Variants in DAPP1 observed in about 807,000 individuals in gnomAD.
DAPP1 encodes the protein dual adapter for phosphotyrosine and 3-phosphotyrosine and 3-phosphoinositide.
DAPP1 carries 20 observed loss-of-function variants against 41.5 expected under a neutral mutation model. The ratio of observed to expected loss-of-function variants is 0.48; its 90% CI spans 0.34 to 0.70. The LOEUF (loss-of-function observed/expected upper bound fraction) is 0.70, where lower values mean the gene tolerates loss of function less well. Ranked by LOEUF, DAPP1 falls within the 30% of genes least tolerant of loss-of-function variation. DAPP1 has a pLI of 0.01. For missense variants in DAPP1, 233 were observed against 333.4 expected (o/e 0.70, Z 2.35); for synonymous variants, 113 against 116.2 (o/e 0.97, Z 0.18).
intron 1 of DAPP1, among the ~76,000 whole-genome samples, chr4:99,821,587 G>A (rs1722776356): frequency 6.6e-6 from 1 of 152,214 alleles, no homozygotes; most frequent in African/African-American, 2.4e-5. Context: ...ATTTATAGAT[G>A]AGAAAAGTAA....
At chr4:99,871,943 G>A (rs1201419737), downstream of DAPP1, among the ~76,000 whole-genome samples, 3 of 152,226 alleles carry the variant, frequency 2.0e-5, no homozygotes, top group African/African-American at 4.8e-5. Flanking sequence ...TTAAGCAGGG[G>A]TTGTGTGCCC....
At chr4:99,829,665 A>C (rs1309305829) in intron 1 of DAPP1, among the ~76,000 whole-genome samples, 1 of 152,134 alleles carries the variant, frequency 6.6e-6, no homozygotes, top group East Asian at 1.9e-4. Flanking sequence ...CAATTATAAA[A>C]ACTTCATTAC....
intron 7 of DAPP1, 70 bp from the exon 8 acceptor site, chr4:99,865,964 T>TA: frequency 1.2e-5 from 1 of 84,470 alleles, no homozygotes; most frequent in South Asian, 1.8e-4. Context: ...ATATTATATA[T>TA]ATTATATATA....
At chr4:99,854,294 C>A (rs866028225) in intron 4 of DAPP1, among the ~76,000 whole-genome samples, 2 of 152,268 alleles carry the variant, frequency 1.3e-5, no homozygotes, top group South Asian at 4.1e-4. Context: ...GTTGTCTCTT[C>A]CTTGTTTGCT....
intron 7 of DAPP1, chr4:99,864,238 A>T (rs11097679): frequency 0.27 from 43,171 of 158,110 alleles, 6,563 homozygotes; most frequent in African/African-American, 0.41. Flanking sequence ...GTTCTAACAT[A>T]ATCAGTATGT....
At chr4:99,817,737 T>C (rs4699763) in intron 1 of DAPP1, among the ~76,000 whole-genome samples, 10,139 of 152,258 alleles carry the variant, frequency 0.067, 397 homozygotes, top group Non-Finnish European at 0.1. Context: ...AAGAGAGGAA[T>C]TGGGGATTTC....
At chr4:99,845,270 C>T (rs577935242) in intron 3 of DAPP1, among the ~76,000 whole-genome samples, 31 of 152,304 alleles carry the variant, frequency 2.0e-4, no homozygotes, top group African/African-American at 7.5e-4. Flanking sequence ...TAGATGCTTT[C>T]CATGCACCTT....
intron 1 of DAPP1, among the ~76,000 whole-genome samples, chr4:99,817,568 G>A (rs1722632022): frequency 6.6e-6 from 1 of 152,160 alleles, no homozygotes; most frequent in African/African-American, 2.4e-5. Context: ...TGTCCAGAGA[G>A]CCAACTTTGA....
intron 3 of DAPP1, among the ~76,000 whole-genome samples, chr4:99,842,591 C>A (rs1723529204): frequency 6.6e-6 from 1 of 152,226 alleles, no homozygotes; most frequent in South Asian, 2.1e-4. Context: ...TCTTGCCCCT[C>A]TGGGAGTAAT....
chr4:99,843,342 A>G (rs1723557457), intron 3 of DAPP1, among the ~76,000 whole-genome samples: 1 of 152,206 alleles, frequency 6.6e-6, no homozygotes, highest in South Asian at 2.1e-4. Context: ...ACATTTTTGC[A>G]CTCAAAATAG....
intron 3 of DAPP1, among the ~76,000 whole-genome samples, chr4:99,845,445 C>T (rs1010562821): frequency 6.6e-6 from 1 of 152,186 alleles, no homozygotes; most frequent in Non-Finnish European, 1.5e-5. Flanking sequence ...GAAATTGGTC[C>T]TACAGCGACA....
At position 99,835,656 on chromosome 4, in the gene DAPP1, T is replaced by C. The variant is rs368170804; in HGVS notation, c.135T>C (p.Ala45=). 5.3e-5 allele frequency: 85 copies of C among 1,613,834 alleles called. No individual in the cohort carries two copies. In the African/African-American group the frequency reaches 1.0e-3, roughly 20 times the overall value. ...ACGGCAACCTCACACGCCATGCTGC[T>C]GAAGCTCTTCTCCTCTCAAATGGAT... ...WYHGNLTRHA[A]EALLLSNGCD... is the part of the protein sequence containing the mutation. The change falls in exon 2 of 9, where the codon GCT becomes GCC. Residue 45 remains alanine (A), a synonymous_variant. Transcript: ENST00000512369.
At chr4:99,859,628 T>G (rs998045225) in intron 4 of DAPP1, among the ~76,000 whole-genome samples, 1 of 152,144 alleles carries the variant, frequency 6.6e-6, no homozygotes, top group African/African-American at 2.4e-5. Context: ...GGTGATCAAT[T>G]GAATATAAGC....
intron 1 of DAPP1, among the ~76,000 whole-genome samples, chr4:99,830,311 A>G (rs1364852724): frequency 6.6e-6 from 1 of 152,126 alleles, no homozygotes; most frequent in Non-Finnish European, 1.5e-5. Context: ...TGAACCCAGG[A>G]GGCAGAGGTT....
Position 99,868,321 on chromosome 4 carries a change from G to T in DAPP1, c.*136G>T. On this transcript the variant is annotated 3_prime_UTR_variant, in exon 9 of 9. Coordinates refer to ENST00000512369, the MANE Select transcript of DAPP1 (RefSeq NM_014395.3). The stretch of plus-strand genomic sequence containing the variant: ...AACAAATCAGAAGCAGATGCTGATT[G>T]GGACCCATATACCACGTTGCTGACT... The T allele has an allele frequency of 2.6e-6, 2 of 776,064 alleles. No individual in the cohort carries two copies. Among genetic ancestry groups the T allele is most frequent in the Admixed American group, 2.2e-5 (1 of 45,068 alleles). The allele number at this position is 776,064 out of a possible 1,614,324, so 48.1% of individuals were successfully genotyped here.
chr4:99,842,609 G>A (rs1449402825), intron 3 of DAPP1, among the ~76,000 whole-genome samples: 2 of 152,194 alleles, frequency 1.3e-5, no homozygotes, highest in Non-Finnish European at 2.9e-5. Context: ...AATAGGCCTT[G>A]GGAAACAAGA....
chr4:99,828,497 A>G (rs1723018943), intron 1 of DAPP1, among the ~76,000 whole-genome samples: 1 of 152,194 alleles, frequency 6.6e-6, no homozygotes. Context: ...CAAATGAGGT[A>G]TAAAGTTAGA....
At chr4:99,856,680 G>T (rs1335286792) in intron 4 of DAPP1, among the ~76,000 whole-genome samples, 1 of 152,180 alleles carries the variant, frequency 6.6e-6, no homozygotes, top group Non-Finnish European at 1.5e-5. Flanking sequence ...CTGCTTGCAA[G>T]CTAACAAGTT....
chr4:99,840,472 G>C (rs751491218), intron 3 of DAPP1, 50 bp downstream of exon 3: 2 of 1,569,364 alleles, frequency 1.3e-6, no homozygotes, highest in East Asian at 2.3e-5. Context: ...TCGGGATGGA[G>C]GAGAGACAAG....
Sources: gnomAD v4.1 joint callset for allele counts (sites outside exome capture counted in the v4.1 genomes callset) on GRCh38, gnomAD v4.1.1 for gene constraint, MANE v1.5 for transcripts, NCBI Gene and HGNC (gene_info 2026-07-23, HGNC 2026-07-21) for gene names.